The following TBC1D13 variants were observed in gnomAD, a reference collection of about 807,000 sequenced individuals.
TBC1D13 encodes the protein TBC1 domain family member 13.
Under a neutral mutation model 53.6 loss-of-function variants are expected in TBC1D13, and 40 were observed. The observed-to-expected ratio is 0.75, with a 90% CI of 0.58 to 0.97. The LOEUF (loss-of-function observed/expected upper bound fraction) is 0.97, where lower values mean the gene tolerates loss of function less well. Among genes scored for constraint, TBC1D13 ranks in the 50% least tolerant of loss-of-function variants. The probability of loss-of-function intolerance (pLI) is 0.00; values close to 1 mark genes in which losing one functional copy is unlikely to be tolerated. For missense variants in TBC1D13, 377 were observed against 499.4 expected (o/e 0.75, Z 2.34); for synonymous variants, 182 against 197.7 (o/e 0.92, Z 0.67).
chr9:128,795,020 A>G (rs1204452970), intron 6 of TBC1D13, among the ~76,000 whole-genome samples: 3 of 150,972 alleles, frequency 2.0e-5, no homozygotes, highest in African/African-American at 7.3e-5. Context: ...CTCTTTTGCT[A>G]CTACAAACCA....
rs1398264558 is a variant in TBC1D13, at chr9:128,806,327, G to A, written c.1137+16G>A. ...GCTGCTGCAGGTAATGGGAGTTGGG[G>A]GCAGGCTCAGCCACTGCCATGAGGC... is the stretch of plus-strand genomic sequence containing the variant. On this transcript the variant is annotated intron_variant, in intron 11 of 11. Coordinates refer to ENST00000372648, the MANE Select transcript of TBC1D13 (RefSeq NM_018201.5). 2 of 1,613,824 alleles carry A rather than the reference G, an allele frequency of 1.2e-6. No individual in the cohort carries two copies. The highest frequency in any genetic ancestry group is 1.1e-5 in the South Asian group (1 of 91,086).
At position 128,791,602 on chromosome 9, in the gene TBC1D13, A is replaced by G; in HGVS notation, c.209A>G (p.Tyr70Cys). Reference sequence around the variant, plus strand: ...TCACTTGTCTCCTGCAGGGAGCTGTATGCCCAGTTCCTGAGGGAAATGATC... The same window carrying G: ...TCACTTGTCTCCTGCAGGGAGCTGTGTGCCCAGTTCCTGAGGGAAATGATC... ...TSILAKQREL[Y>C]AQFLREMIIQ... is the part of the protein sequence containing the mutation. Residue 70 changes from tyrosine to cysteine, a missense_variant, in exon 5 of 12, where the codon TAT becomes TGT. Transcript: ENST00000372648. 6.2e-7 allele frequency: 1 copy of G among 1,614,168 alleles called. No individual in the cohort carries two copies. The highest frequency in any genetic ancestry group is 8.5e-7 in the Non-Finnish European group (1 of 1,179,994).
chr9:128,790,573 C>CA (rs1426481166), intron 2 of TBC1D13, among the ~76,000 whole-genome samples, 162 bp from the exon 3 acceptor site: 4 of 151,732 alleles, frequency 2.6e-5, no homozygotes, highest in Non-Finnish European at 5.9e-5. Flanking sequence ...GACTCCATCT[C>CA]AAAAAAAAGA....
chr9:128,802,954 T>C (rs10988122), intron 7 of TBC1D13, among the ~76,000 whole-genome samples: 151,773 of 152,276 alleles, frequency 1, 75,640 homozygotes, highest in Middle Eastern at 1. Flanking sequence ...AGGCTGGTCT[T>C]GAACTCTTAG....
chr9:128,787,312 C>A lies in TBC1D13; in HGVS notation c.-42C>A, dbSNP rs1300707534. The A allele has an allele frequency of 8.0e-7, 1 of 1,255,396 alleles. No individual in the cohort carries two copies. Among genetic ancestry groups the A allele is most frequent in the Non-Finnish European group, 1.0e-6 (1 of 994,084 alleles). 77.8% of individuals were successfully genotyped at this position (1,255,396 alleles called of 1,614,324 possible). On this transcript the variant is annotated 5_prime_UTR_variant, in exon 1 of 12. Transcript: ENST00000372648. Reference sequence around the variant, plus strand: ...GCGGCGGCAGCGCAGGCGGCAGAGGCGCAGGCGGCGGAGGCGGCTGGGGGG... The same window carrying A: ...GCGGCGGCAGCGCAGGCGGCAGAGGAGCAGGCGGCGGAGGCGGCTGGGGGG...
chr9:128,805,280 A>G (rs928261802), intron 9 of TBC1D13, among the ~76,000 whole-genome samples: 2 of 152,138 alleles, frequency 1.3e-5, no homozygotes, highest in African/African-American at 4.8e-5. Context: ...TGAGCCATCC[A>G]TGATTGTGCC....
chr9:128,808,126 G>A lies in TBC1D13; in HGVS notation c.*247G>A, dbSNP rs1214373960. 10 of 502,594 alleles carry A rather than the reference G, an allele frequency of 2.0e-5. No individual in the cohort carries two copies. Among genetic ancestry groups the A allele is most frequent in the Non-Finnish European group, 1.1e-5 (3 of 275,164 alleles). 31.1% of individuals were successfully genotyped at this position (502,594 alleles called of 1,614,324 possible). ...GAGGAGGGCTGGAGCTCGGGAAGTT[G>A]TCCTTCCTGGGCCAGGGCCGTTTCT... On this transcript the variant is annotated 3_prime_UTR_variant, in exon 12 of 12. Transcript: ENST00000372648.
intron 7 of TBC1D13, among the ~76,000 whole-genome samples, chr9:128,798,653 T>G (rs1349038738): frequency 6.6e-6 from 1 of 152,128 alleles, no homozygotes; most frequent in East Asian, 1.9e-4. Context: ...TTTAATAGAT[T>G]CCTGTCACTC....
rs1211703335 is a variant in TBC1D13 at position 128,805,835 on chromosome 9, C to T, written c.919-24C>T. On this transcript the variant is annotated intron_variant, in intron 9 of 11. Coordinates refer to ENST00000372648, the MANE Select transcript of TBC1D13 (RefSeq NM_018201.5). ...GGCAGCCAACACAGAGTCATGCCCC[C>T]CACCCCCCACGCTGTCTCCCCAGCA... The T allele has an allele frequency of 2.5e-6, 4 of 1,608,492 alleles. No individual in the cohort carries two copies. The Admixed American group carries it at 6.7e-5, about 27-fold the overall frequency.
chr9:128,808,098 A>T lies in TBC1D13; in HGVS notation c.*219A>T. ...GCACTCTGCCCTCTTTGCCCAGGAT[A>T]CTGAGGAGGGCTGGAGCTCGGGAAG... On this transcript the variant is annotated 3_prime_UTR_variant, in exon 12 of 12. Coordinates refer to ENST00000372648, the MANE Select transcript of TBC1D13 (RefSeq NM_018201.5). The T allele has an allele frequency of 1.8e-6, 1 of 554,144 alleles. No individual in the cohort carries two copies. The highest frequency in any genetic ancestry group is 1.9e-5 in the African/African-American group (1 of 53,186). 34.3% of individuals were successfully genotyped at this position (554,144 alleles called of 1,614,324 possible).
chr9:128,796,940 A>T, intron 6 of TBC1D13, 115 bp from the exon 7 acceptor site: 2 of 1,230,068 alleles, frequency 1.6e-6, no homozygotes, highest in Non-Finnish European at 2.3e-6. Flanking sequence ...CATCTCAAAA[A>T]CAAAAACAAA....
intron 3 of TBC1D13, 149 bp from the exon 4 acceptor site, chr9:128,791,231 C>G: frequency 1.3e-6 from 1 of 758,110 alleles, no homozygotes. Flanking sequence ...GGAGGCTACC[C>G]CTAGCTCATG....
At chr9:128,800,764 G>A (rs550982614) in intron 7 of TBC1D13, among the ~76,000 whole-genome samples, 6 of 152,144 alleles carry the variant, frequency 3.9e-5, no homozygotes, top group African/African-American at 1.2e-4. Context: ...AGTTGTTAAC[G>A]TTTTTCACAT....
intron 6 of TBC1D13, among the ~76,000 whole-genome samples, chr9:128,794,202 C>T (rs556132164): frequency 1.3e-5 from 2 of 152,268 alleles, no homozygotes; most frequent in South Asian, 2.1e-4. Context: ...GGGAAGAAGG[C>T]GCATGGCAGG....
chr9:128,788,465 CAG>C, intron 2 of TBC1D13, 58 bp downstream of exon 2: 13 of 1,516,368 alleles, frequency 8.6e-6, no homozygotes, highest in Non-Finnish European at 1.2e-5. Flanking sequence ...GGCTAGAATA[CAG>C]GGGGAGGCCA....
At chr9:128,788,795 C>A (rs1171405072) in intron 2 of TBC1D13, among the ~76,000 whole-genome samples, 1 of 152,144 alleles carries the variant, frequency 6.6e-6, no homozygotes, top group Non-Finnish European at 1.5e-5. Context: ...GTTTGGTTAA[C>A]TGCAGGGTTG....
At chr9:128,792,719 C>T (rs1290679360) in intron 6 of TBC1D13, 145 bp downstream of exon 6, 3 of 703,476 alleles carry the variant, frequency 4.3e-6, no homozygotes, top group South Asian at 3.5e-5. Context: ...GGTCCAGGCA[C>T]TATTGATGAT....
At chr9:128,789,293 G>T (rs1338947079) in intron 2 of TBC1D13, among the ~76,000 whole-genome samples, 1 of 113,494 alleles carries the variant, frequency 8.8e-6, no homozygotes, top group Non-Finnish European at 1.6e-5. Flanking sequence ...TCCAGCCTGG[G>T]CGACAAGAGT....
At chr9:128,792,660 C>A (rs1215951154) in intron 6 of TBC1D13, 86 bp downstream of exon 6, 1 of 1,261,166 alleles carries the variant, frequency 7.9e-7, no homozygotes, top group Non-Finnish European at 1.1e-6. Flanking sequence ...GCAGGCCGGG[C>A]CTATGGGTGA....
Sources: allele counts gnomAD v4.1 joint callset (sites outside exome capture counted in the v4.1 genomes callset), GRCh38; gene constraint gnomAD v4.1.1; transcripts MANE v1.5; gene names NCBI Gene and HGNC (gene_info 2026-07-23, HGNC 2026-07-21).